Variants in CNOT2 observed in about 807,000 individuals in gnomAD.
CNOT2 encodes the protein CCR4-NOT transcription complex subunit 2, also known as CC chemokine receptor 4-negative regulator of transcription 2.
Under a neutral mutation model 72.1 loss-of-function variants are expected in CNOT2, and 7 were observed. The observed-to-expected ratio is 0.10, with a 90% CI of 0.06 to 0.18. The LOEUF (loss-of-function observed/expected upper bound fraction) is 0.18, where lower values mean the gene tolerates loss of function less well. Ranked by LOEUF, CNOT2 falls within the 10% of genes least tolerant of loss-of-function variation. The pLI, the probability that CNOT2 is intolerant of heterozygous loss-of-function variation, is 1.00. For missense variants in CNOT2, 345 were observed against 660.3 expected (o/e 0.52, Z 5.23); for synonymous variants, 196 against 225.6 (o/e 0.87, Z 1.17).
At chr12:70,345,710 AG>A (rs1337749358) in intron 14 of CNOT2, 3 of 152,284 alleles carry the variant, frequency 2.0e-5, no homozygotes, top group Non-Finnish European at 4.4e-5. Context: ...TCTAGTTTCA[AG>A]ATAGTTAAAA....
intron 1 of CNOT2, among the ~76,000 whole-genome samples, chr12:70,259,847 A>T (rs2135732072): frequency 6.6e-6 from 1 of 152,314 alleles, no homozygotes; most frequent in East Asian, 1.9e-4. Context: ...GCTAGACTTA[A>T]ATTTGTGTAT....
chr12:70,254,988 A>C (rs1460906824), intron 1 of CNOT2, among the ~76,000 whole-genome samples: 1 of 151,410 alleles, frequency 6.6e-6, no homozygotes, highest in Non-Finnish European at 1.5e-5. Flanking sequence ...CTCAAAAAAA[A>C]AAAAAAAAAA....
chr12:70,292,776 A>T (rs547742684), intron 2 of CNOT2, among the ~76,000 whole-genome samples: 16 of 152,358 alleles, frequency 1.1e-4, no homozygotes, highest in African/African-American at 3.8e-4. Flanking sequence ...AAAGTGTATA[A>T]GTATAAAATG....
chr12:70,312,919 T>A (rs147272639), intron 3 of CNOT2, among the ~76,000 whole-genome samples: 140 of 152,128 alleles, frequency 9.2e-4, no homozygotes, highest in African/African-American at 3.2e-3. Context: ...CAGAAATAAT[T>A]GCTAAAATTC....
chr12:70,320,895 A>T (rs1316119615), intron 4 of CNOT2, among the ~76,000 whole-genome samples: 1 of 151,854 alleles, frequency 6.6e-6, no homozygotes, highest in African/African-American at 2.4e-5. Flanking sequence ...TTTTTAGCCT[A>T]CAAATCTGAA....
chr12:70,296,983 G>C (rs1941862854), intron 2 of CNOT2, among the ~76,000 whole-genome samples: 1 of 151,972 alleles, frequency 6.6e-6, no homozygotes, highest in African/African-American at 2.4e-5. Context: ...TACCTATCAT[G>C]TTTTCCCTCT....
At chr12:70,275,650 A>G (rs1336299018) in intron 1 of CNOT2, among the ~76,000 whole-genome samples, 1 of 152,020 alleles carries the variant, frequency 6.6e-6, no homozygotes, top group Non-Finnish European at 1.5e-5. Flanking sequence ...AGAAAATTTC[A>G]TTGTAGTTTT....
intron 2 of CNOT2, among the ~76,000 whole-genome samples, chr12:70,281,286 T>C (rs955226951): frequency 6.6e-6 from 1 of 152,070 alleles, no homozygotes; most frequent in African/African-American, 2.4e-5. Flanking sequence ...AGTTTCACCA[T>C]GTTGGTCAGG....
chr12:70,266,022 A>G (rs1455652823), intron 1 of CNOT2, among the ~76,000 whole-genome samples: 2 of 151,094 alleles, frequency 1.3e-5, no homozygotes, highest in Non-Finnish European at 2.9e-5. Flanking sequence ...TTTTTTTAAA[A>G]GAACTAAGAT....
At chr12:70,350,270 G>T (rs1180859307) in intron 15 of CNOT2, among the ~76,000 whole-genome samples, 1 of 152,016 alleles carries the variant, frequency 6.6e-6, no homozygotes, top group Non-Finnish European at 1.5e-5. Flanking sequence ...AATTCTTTCG[G>T]CCTAATTTGA....
intron 8 of CNOT2, chr12:70,336,687 A>C (rs1880749730): frequency 6.6e-6 from 1 of 151,766 alleles, no homozygotes; most frequent in Admixed American, 6.6e-5. Flanking sequence ...TAGCTACTTG[A>C]TTCTCAGTTC....
chr12:70,331,364 CTTAT>C (rs577894027), intron 6 of CNOT2: 16 of 151,940 alleles, frequency 1.1e-4, no homozygotes, highest in African/African-American at 3.9e-4. Context: ...TTTTAAAAAA[CTTAT>C]TTGTGAAGGG....
chr12:70,338,123 T>G, intron 9 of CNOT2: 1 of 228,832 alleles, frequency 4.4e-6, no homozygotes, highest in Non-Finnish European at 8.5e-6. Context: ...CATTGAGGAG[T>G]GTAACTTCAA....
rs544323985 is a variant in CNOT2, at chr12:70,322,189, A to G, written c.238+2825A>G. 2.0e-5 allele frequency: 3 copies of G among 151,808 alleles called. No individual in the cohort carries two copies. In the Admixed American group the frequency reaches 2.0e-4, roughly 10 times the overall value. The allele number at this position is 151,808 out of a possible 1,614,324, so 9.4% of individuals were successfully genotyped here. A position where few individuals can be genotyped will look rare whatever the true frequency, so the allele number is the denominator to read the frequency against. On this transcript the variant is annotated intron_variant, in intron 4 of 15. Transcript: ENST00000229195. ...CAAAACCAATTTTTTGTTCTCATCA[A>G]CATTACAATGGAATGAAGTTGAATG...
intron 2 of CNOT2, among the ~76,000 whole-genome samples, chr12:70,286,514 T>A (rs2135844094): frequency 6.7e-6 from 1 of 150,232 alleles, no homozygotes; most frequent in East Asian, 2.0e-4. Context: ...TCTAACCTCC[T>A]TAACTATTCA....
At chr12:70,309,798 C>T (rs1295652273) in intron 2 of CNOT2, among the ~76,000 whole-genome samples, 1 of 152,050 alleles carries the variant, frequency 6.6e-6, no homozygotes, top group African/African-American at 2.4e-5. Context: ...CCTTAAATAA[C>T]TTTAGTCAGT....
chr12:70,335,322 C>T (rs1880529724), intron 7 of CNOT2, 116 bp from the exon 8 acceptor site: 1 of 721,014 alleles, frequency 1.4e-6, no homozygotes, highest in Non-Finnish European at 2.4e-6. Flanking sequence ...TAGTACAGTG[C>T]CGTGCATTAT....
At chr12:70,281,050 C>G (rs1247926523) in intron 2 of CNOT2, among the ~76,000 whole-genome samples, 1 of 151,044 alleles carries the variant, frequency 6.6e-6, no homozygotes, top group Non-Finnish European at 1.5e-5. Flanking sequence ...TGTAAACCAT[C>G]TTAATTACCA....
At chr12:70,327,130 G>T (rs368408950) in intron 4 of CNOT2, among the ~76,000 whole-genome samples, 1 of 151,826 alleles carries the variant, frequency 6.6e-6, no homozygotes, top group African/African-American at 2.4e-5. Flanking sequence ...AGGGCTTAAC[G>T]ATTGTTAAAA....
Sources: gnomAD v4.1 joint callset for allele counts (sites outside exome capture counted in the v4.1 genomes callset) on GRCh38, gnomAD v4.1.1 for gene constraint, MANE v1.5 for transcripts, NCBI Gene and HGNC (gene_info 2026-07-23, HGNC 2026-07-21) for gene names.